The following UBA6 variants were observed in gnomAD, a reference collection of about 807,000 sequenced individuals.
UBA6 encodes ubiquitin like modifier activating enzyme 6.
In UBA6, 87 loss-of-function variants were observed where a neutral mutation model predicts 148.3. The observed-to-expected ratio is 0.59, with a 90% CI of 0.49 to 0.70. The LOEUF is 0.70. Among genes scored for constraint, UBA6 ranks in the 30% least tolerant of loss-of-function variants. The pLI is 0.00. For synonymous variants in UBA6, 376 were observed against 401.0 expected (o/e 0.94, Z 0.75); for missense variants, 1,186 against 1,241.2 (o/e 0.96, Z 0.67).
At chr4:67,632,039 A>C (rs968811772) in intron 23 of UBA6, 131 bp from the exon 24 acceptor site, 1 of 819,116 alleles carries the variant, frequency 1.2e-6, no homozygotes, top group Non-Finnish European at 1.9e-6. Flanking sequence ...ATTAAAAGAG[A>C]CACAGTGAAG....
chr4:67,673,057 C>T (rs568969089), intron 7 of UBA6, among the ~76,000 whole-genome samples: 3 of 152,236 alleles, frequency 2.0e-5, no homozygotes, highest in Admixed American at 2.0e-4. Flanking sequence ...TGTCTCTATT[C>T]ACTAATGTAT....
chr4:67,641,077 A>G (rs962291354), intron 18 of UBA6, 74 bp downstream of exon 18: 1 of 894,504 alleles, frequency 1.1e-6, no homozygotes, highest in Non-Finnish European at 1.7e-6. Context: ...TTCAATCACT[A>G]TTTTCTATTT....
At chr4:67,630,569 T>C (rs767073550) in intron 25 of UBA6, 34 bp from the exon 26 acceptor site, 8 of 1,427,772 alleles carry the variant, frequency 5.6e-6, no homozygotes, top group Middle Eastern at 1.8e-4. Context: ...AAAATTTGAA[T>C]GTACAGTTTT....
rs1396301683 is a variant in UBA6 at position 67,668,728 on chromosome 4, T to G, written c.670-54A>C. The G allele has an allele frequency of 2.0e-6, 3 of 1,504,384 alleles. No homozygotes were observed. The African/African-American group carries it at 4.2e-5, about 21-fold the overall frequency. The allele number at this position is 1,504,384 out of a possible 1,614,324, so 93.2% of individuals were successfully genotyped here. A position where few individuals can be genotyped will look rare whatever the true frequency, so the allele number is the denominator to read the frequency against. ...GAACTTCTTTTTTGTATTCTTTGTG[T>G]ACAAATTCAAATCTTAAGCAAAAAT... On this transcript the variant is annotated intron_variant, in intron 8 of 32. Coordinates refer to ENST00000322244, the MANE Select transcript of UBA6 (RefSeq NM_018227.6).
rs368590629 is a variant in UBA6 at position 67,680,344 on chromosome 4, T to C, written c.258+1219A>G. Among the ~76,000 whole-genome samples the C allele has an allele frequency of 5.9e-4, 90 of 152,318 alleles. 1 individual carries two copies. Among genetic ancestry groups the C allele is most frequent in the African/African-American group, 1.9e-3 (79 of 41,570 alleles). On this transcript the variant is annotated intron_variant, in intron 4 of 32. Coordinates refer to ENST00000322244, the MANE Select transcript of UBA6 (RefSeq NM_018227.6). ...TACTGTCTCCTGATGGGAGAACAGC[T>C]ATGAAACAGTCTTGCCAAAAAGAAT...
At chr4:67,662,409 G>T in intron 12 of UBA6, 154 bp from the exon 13 acceptor site, 1 of 541,646 alleles carries the variant, frequency 1.8e-6, no homozygotes, top group Non-Finnish European at 3.2e-6. Flanking sequence ...AAGATGATTG[G>T]CTTATAAATA....
chr4:67,636,933 G>A lies in UBA6; in HGVS notation c.1737-1375C>T, dbSNP rs565973975. On this transcript the variant is annotated intron_variant, in intron 19 of 32. Coordinates refer to ENST00000322244, the MANE Select transcript of UBA6 (RefSeq NM_018227.6). The stretch of plus-strand genomic sequence containing the variant: ...AGCGCCTCTTCCCGGCCGCCATCCC[G>A]TCTAGGAAGTGAGGAGTGTCTCTGC... Among the ~76,000 whole-genome samples, 352 of 150,522 alleles carry A rather than the reference G, an allele frequency of 2.3e-3. 1 individual carries two copies. The highest frequency in any genetic ancestry group is 3.5e-3 in the Non-Finnish European group (234 of 67,670).
In UBA6 at chr4:67,639,000, T is replaced by C; in HGVS notation, c.1679A>G (p.Lys560Arg). The C allele has an allele frequency of 6.2e-7, 1 of 1,610,814 alleles. No individual in the cohort carries two copies. The highest frequency in any genetic ancestry group is 1.3e-5 in the African/African-American group (1 of 74,976). ...TAATGCTGTAATAATTACATCTTGT[T>C]TAGTATAGAACTCATCATTGTAAAT... The part of the protein sequence containing the change: ...ETIYNDEFYT[K>R]QDVIITALDN... Residue 560 changes from lysine to arginine, a missense_variant, in exon 19 of 33, where the codon AAA becomes AGA. Coordinates refer to ENST00000322244, the MANE Select transcript of UBA6 (RefSeq NM_018227.6).
At chr4:67,667,266 G>A (rs1730026084) in intron 9 of UBA6, among the ~76,000 whole-genome samples, 1 of 151,852 alleles carries the variant, frequency 6.6e-6, no homozygotes, top group Non-Finnish European at 1.5e-5. Context: ...ATATAGTCAG[G>A]AAACAAAATT....
At chr4:67,662,280 A>G in intron 12 of UBA6, 25 bp from the exon 13 acceptor site, 1 of 1,603,952 alleles carries the variant, frequency 6.2e-7, no homozygotes, top group East Asian at 2.2e-5. Flanking sequence ...AGAACACCCT[A>G]ACTTTAATTT....
chr4:67,666,396 T>C (rs1729996794), intron 9 of UBA6, among the ~76,000 whole-genome samples: 1 of 150,632 alleles, frequency 6.6e-6, no homozygotes, highest in African/African-American at 2.4e-5. Flanking sequence ...ACTATATATG[T>C]GTATATATAG....
chr4:67,643,901 CT>C (rs1360699221), intron 17 of UBA6, among the ~76,000 whole-genome samples: 1 of 151,968 alleles, frequency 6.6e-6, no homozygotes, highest in Non-Finnish European at 1.5e-5. Context: ...AGACTTTCTT[CT>C]TTTTAAAATC....
At chr4:67,696,332 T>C (rs1050760738) in intron 2 of UBA6, among the ~76,000 whole-genome samples, 1 of 151,988 alleles carries the variant, frequency 6.6e-6, no homozygotes, top group African/African-American at 2.4e-5. Flanking sequence ...ATTATCCGAA[T>C]GTAGATAAAA....
At chr4:67,695,306 C>A (rs1000661742) in intron 2 of UBA6, among the ~76,000 whole-genome samples, 5 of 152,210 alleles carry the variant, frequency 3.3e-5, no homozygotes, top group Non-Finnish European at 7.3e-5. Flanking sequence ...TGCAAGAAGG[C>A]AAGCTTGCTC....
intron 4 of UBA6, among the ~76,000 whole-genome samples, chr4:67,679,882 G>A (rs1429936915): frequency 1.3e-5 from 2 of 152,016 alleles, no homozygotes; most frequent in Non-Finnish European, 2.9e-5. Flanking sequence ...GACTACTGGG[G>A]GCTGTGTCTC....
Position 67,673,750 on chromosome 4 carries a change from G to A in UBA6, c.493C>T (p.Pro165Ser). ...AAGTCATTGATCTTCTTCTGCAATG[G>A]AAGTTTCATCTCAGTCAATACTACA... is the stretch of plus-strand genomic sequence containing the variant. ...QCVVLTEMKLPLQKKINDFCR... is the reference protein window; with the variant it reads ...QCVVLTEMKLSLQKKINDFCR... Residue 165 changes from proline to serine, a missense_variant, in exon 7 of 33, where the codon CCA (proline) becomes TCA (serine). Transcript: ENST00000322244. 1 of 1,611,818 alleles carries A rather than the reference G, an allele frequency of 6.2e-7. No individual in the cohort carries two copies. The highest frequency in any genetic ancestry group is 8.5e-7 in the Non-Finnish European group (1 of 1,178,490).
In UBA6 at chr4:67,614,331, G is replaced by A. The variant is rs1472697864; in HGVS notation, c.*4666C>T. On this transcript the variant is annotated 3_prime_UTR_variant, in exon 33 of 33. Coordinates refer to ENST00000322244, the MANE Select transcript of UBA6 (RefSeq NM_018227.6). ...AACCAAGATGTACTCTGACCACCTG[G>A]GGCACATGTTCTCTGGACCTCCTGA... is the stretch of plus-strand genomic sequence containing the variant. 6.6e-6 allele frequency: 1 copy of A among 152,092 alleles called. No individual in the cohort carries two copies. Among genetic ancestry groups the A allele is most frequent in the Non-Finnish European group, 1.5e-5 (1 of 68,038 alleles). 9.4% of individuals were successfully genotyped at this position (152,092 alleles called of 1,614,324 possible). A position where few individuals can be genotyped will look rare whatever the true frequency, so the allele number is the denominator to read the frequency against.
Position 67,634,594 on chromosome 4 carries a change from G to A in UBA6, c.1843-76C>T, listed in dbSNP as rs2109905202. 11 of 1,026,426 alleles carry A rather than the reference G, an allele frequency of 1.1e-5. 1 individual carries two copies. In the Middle Eastern group the frequency reaches 1.1e-3, roughly 105 times the overall value. 63.6% of individuals were successfully genotyped at this position (1,026,426 alleles called of 1,614,324 possible). A position where few individuals can be genotyped will look rare whatever the true frequency, so the allele number is the denominator to read the frequency against. On this transcript the variant is annotated intron_variant, in intron 20 of 32. Transcript: ENST00000322244. ...TTTTATTGATTTAATCTAGTTTTGA[G>A]CTTTAAGCCTATTAAAAATCCAAAA...
chr4:67,678,608 G>A, intron 4 of UBA6, 75 bp from the exon 5 acceptor site: 1 of 610,428 alleles, frequency 1.6e-6, no homozygotes, highest in Non-Finnish European at 2.8e-6. Flanking sequence ...TACTGACAAT[G>A]TACTAGAACT....
Sources: gnomAD v4.1 joint callset for allele counts (sites outside exome capture counted in the v4.1 genomes callset) on GRCh38, gnomAD v4.1.1 for gene constraint, MANE v1.5 for transcripts, NCBI Gene and HGNC (gene_info 2026-07-23, HGNC 2026-07-21) for gene names.